The following ABHD18 variants were observed in gnomAD, a reference collection of about 807,000 sequenced individuals.
ABHD18 encodes the protein cardiolipin-specific deacylase, mitochondrial.
In ABHD18, 55 loss-of-function variants were observed where a neutral mutation model predicts 65.9. That is an observed-to-expected ratio of 0.84 (90% CI 0.67 to 1.05). The LOEUF is 1.05. ABHD18 is among the 50% of genes least tolerant of loss of function. The pLI, the probability that ABHD18 is intolerant of heterozygous loss-of-function variation, is 0.00. For missense variants in ABHD18, 533 were observed against 558.5 expected, an observed-to-expected ratio of 0.95 and a Z score of 0.46; for synonymous variants, 181 against 180.2, an observed-to-expected ratio of 1.00 and a Z score of -0.04.
At chr4:128,005,227 C>CA (rs895262775) in intron 4 of ABHD18, among the ~76,000 whole-genome samples, 3 of 151,050 alleles carry the variant, frequency 2.0e-5, no homozygotes, top group South Asian at 2.1e-4. Context: ...GACTCTGTCT[C>CA]AAAAAAAAAT....
intron 3 of ABHD18, 89 bp downstream of exon 3, chr4:127,984,512 A>T (rs1310392160): frequency 1.5e-6 from 1 of 659,274 alleles, no homozygotes; most frequent in Non-Finnish European, 2.5e-6. Context: ...TATAACAACA[A>T]TAAACACTAA....
chr4:128,027,259 T>C (rs1254639000), intron 10 of ABHD18, among the ~76,000 whole-genome samples: 1 of 152,210 alleles, frequency 6.6e-6, no homozygotes, highest in Non-Finnish European at 1.5e-5. Flanking sequence ...TACATTGTGA[T>C]GTTCACACAA....
intron 4 of ABHD18, among the ~76,000 whole-genome samples, chr4:127,990,127 A>G (rs1239492303): frequency 2.0e-5 from 3 of 152,216 alleles, no homozygotes; most frequent in Non-Finnish European, 4.4e-5. Context: ...TGAAAGTTTA[A>G]GAAGATAATA....
At chr4:128,035,254 G>A (rs541978658) in intron 12 of ABHD18, among the ~76,000 whole-genome samples, 14 of 152,204 alleles carry the variant, frequency 9.2e-5, no homozygotes, top group African/African-American at 3.4e-4. Flanking sequence ...AAGTGCTTCA[G>A]AAAAAGATAA....
Position 128,037,875 on chromosome 4 carries a change from T to C in ABHD18, c.*2062T>C, listed in dbSNP as rs1331079167. ...TATATGGCTCGATTTGGTGCTTTCT[T>C]TTTATGTTAAACTTCTCTAGCTGTC... is the stretch of plus-strand genomic sequence containing the variant. On this transcript the variant is annotated 3_prime_UTR_variant, in exon 13 of 13. Transcript: ENST00000645843. The C allele has an allele frequency of 6.6e-6, 1 of 152,114 alleles. No individual in the cohort carries two copies. Among genetic ancestry groups the C allele is most frequent in the African/African-American group, 2.4e-5 (1 of 41,458 alleles). 9.4% of individuals were successfully genotyped at this position (152,114 alleles called of 1,614,324 possible).
At chr4:128,035,335 T>G (rs926585772) in intron 12 of ABHD18, among the ~76,000 whole-genome samples, 13 of 151,998 alleles carry the variant, frequency 8.6e-5, no homozygotes, top group Admixed American at 7.9e-4. Flanking sequence ...GTTGCATGCA[T>G]CTGAGGCAGG....
intron 4 of ABHD18, among the ~76,000 whole-genome samples, chr4:127,998,555 T>C (rs1048185594): frequency 1.3e-5 from 2 of 151,526 alleles, no homozygotes; most frequent in Non-Finnish European, 2.9e-5. Flanking sequence ...TTTTTTTTTT[T>C]TAAGAGACTG....
At chr4:127,971,783 T>C (rs939735258) in intron 1 of ABHD18, among the ~76,000 whole-genome samples, 2 of 152,134 alleles carry the variant, frequency 1.3e-5, no homozygotes, top group African/African-American at 2.4e-5. Flanking sequence ...CCACCGCACC[T>C]GGCCTAAGAG....
At chr4:127,966,700 T>TAC (rs1332874535) in intron 1 of ABHD18, among the ~76,000 whole-genome samples, 12 of 3,444 alleles carry the variant, frequency 3.5e-3, no homozygotes, top group African/African-American at 0.014. Flanking sequence ...CTACTAAAAA[T>TAC]ACAAAAAAAA....
chr4:127,978,220 A>T (rs988310369), intron 1 of ABHD18, among the ~76,000 whole-genome samples: 1 of 152,084 alleles, frequency 6.6e-6, no homozygotes, highest in Admixed American at 6.6e-5. Flanking sequence ...ATTTTTGAAA[A>T]TTTTTGTGGG....
chr4:128,011,499 A>G lies in ABHD18; in HGVS notation c.443-174A>G, dbSNP rs556530369. Among the ~76,000 whole-genome samples, 7 of 151,718 alleles carry G rather than the reference A, an allele frequency of 4.6e-5. No individual in the cohort carries two copies. The South Asian group carries it at 1.5e-3, about 32-fold the overall frequency. On this transcript the variant is annotated intron_variant, in intron 6 of 12. Transcript: ENST00000645843. ...AGCTGGTTTTTTTTTTTTTTTTAAAAAAAAGGAAAATAATTAAGTTGAAAA... is the reference window on the plus strand; with the variant it reads ...AGCTGGTTTTTTTTTTTTTTTTAAAGAAAAGGAAAATAATTAAGTTGAAAA...
chr4:128,003,963 C>CA (rs926522411), intron 4 of ABHD18, among the ~76,000 whole-genome samples: 58 of 133,508 alleles, frequency 4.3e-4, no homozygotes, highest in East Asian at 6.7e-4. Context: ...AAAAAAAAAA[C>CA]AAAAAAAAAC....
At chr4:128,009,862 A>G (rs1754241052) in intron 6 of ABHD18, among the ~76,000 whole-genome samples, 1 of 152,216 alleles carries the variant, frequency 6.6e-6, no homozygotes, top group South Asian at 2.1e-4. Context: ...AATAACAAAA[A>G]CATGTTTGTA....
chr4:128,031,930 G>A (rs528217087), intron 12 of ABHD18, among the ~76,000 whole-genome samples: 7 of 152,284 alleles, frequency 4.6e-5, no homozygotes, highest in African/African-American at 1.7e-4. Flanking sequence ...ACAAAAATCC[G>A]TGACTACCTA....
intron 4 of ABHD18, among the ~76,000 whole-genome samples, chr4:128,007,328 TAAA>T (rs750294558): frequency 8.5e-5 from 5 of 58,816 alleles, no homozygotes; most frequent in African/African-American, 2.5e-4. Context: ...ACCTTGTCTC[TAAA>T]AAAAAAAAAA....
chr4:127,990,341 T>A (rs1328403400), intron 4 of ABHD18, among the ~76,000 whole-genome samples: 2 of 152,124 alleles, frequency 1.3e-5, no homozygotes. Flanking sequence ...GGCAGTGGGA[T>A]CACTTGAGGT....
intron 4 of ABHD18, among the ~76,000 whole-genome samples, chr4:127,996,710 C>T (rs890250572): frequency 6.6e-6 from 1 of 152,188 alleles, no homozygotes; most frequent in African/African-American, 2.4e-5. Context: ...CTTATCTCAA[C>T]TGCATAAGAC....
chr4:128,003,977 A>C (rs946973336), intron 4 of ABHD18, among the ~76,000 whole-genome samples: 6 of 151,404 alleles, frequency 4.0e-5, no homozygotes, highest in South Asian at 2.1e-4. Flanking sequence ...AAAAAACCAA[A>C]CAAACAAAAA....
chr4:127,997,138 T>C (rs1751877885), intron 4 of ABHD18, among the ~76,000 whole-genome samples: 1 of 152,234 alleles, frequency 6.6e-6, no homozygotes, highest in Non-Finnish European at 1.5e-5. Flanking sequence ...TGTTCAGAGA[T>C]TGCAGTAAAG....
Sources: gnomAD v4.1 joint callset for allele counts (sites outside exome capture counted in the v4.1 genomes callset) on GRCh38, gnomAD v4.1.1 for gene constraint, MANE v1.5 for transcripts, NCBI Gene and HGNC (gene_info 2026-07-23, HGNC 2026-07-21) for gene names.